CCND2: variants seen among roughly 807,000 people sequenced by gnomAD.
CCND2 encodes G1/S-specific cyclin-D2.
A neutral mutation model predicts 30.2 loss-of-function variants in CCND2; 6 were observed. The observed-to-expected ratio is 0.20, with a 90% CI of 0.11 to 0.39. The LOEUF (loss-of-function observed/expected upper bound fraction) is 0.39, where lower values mean the gene tolerates loss of function less well. Among genes scored for constraint, CCND2 ranks in the 10% least tolerant of loss-of-function variants. The pLI is 1.00. For synonymous variants in CCND2, 150 were observed against 153.1 expected, an observed-to-expected ratio of 0.98 and a Z score of 0.15; for missense variants, 235 against 373.4, an observed-to-expected ratio of 0.63 and a Z score of 3.06.
rs757187520 is a variant in CCND2, at chr12:4,276,218, C to T, written c.409C>T (p.Leu137=). ...TDNSIKPQEL[L]EWELVVLGKL... ...CAACTCCATCAAGCCTCAGGAGCTG[C>T]TGGTAATGACCGGCCCCTTCCTCCC... is the stretch of plus-strand genomic sequence containing the variant. The change falls in exon 2 of 5, where the codon CTG becomes TTG. Residue 137 remains leucine, a splice_region_variant and synonymous_variant. Coordinates refer to ENST00000261254, the MANE Select transcript of CCND2 (RefSeq NM_001759.4). This position sits in a 1 kb window ranked among gnomAD's most constrained non-coding sequence, Gnocchi z 4.8. 1 of 1,612,940 alleles carries T rather than the reference C, an allele frequency of 6.2e-7. No individual in the cohort carries two copies. The highest frequency in any genetic ancestry group is 8.5e-7 in the Non-Finnish European group (1 of 1,178,986).
rs1864294906 is a variant in CCND2 at position 4,304,920 on chromosome 12, T to C, written c.*4911T>C. 4.3e-6 allele frequency: 1 copy of C among 233,594 alleles called. No individual in the cohort carries two copies. The highest frequency in any genetic ancestry group is 1.8e-4 in the South Asian group (1 of 5,532). 14.5% of individuals were successfully genotyped at this position (233,594 alleles called of 1,614,324 possible). A position where few individuals can be genotyped will look rare whatever the true frequency, so the allele number is the denominator to read the frequency against. ...CATTATGTTCATCACCCTTATATCA[T>C]GTACCTCAGATCTCTCTCTCTCTCC... On this transcript the variant is annotated 3_prime_UTR_variant, in exon 5 of 5. Coordinates refer to ENST00000261254, the MANE Select transcript of CCND2 (RefSeq NM_001759.4). The surrounding 1 kb of genome is among the most constrained non-coding windows in gnomAD (Gnocchi z 6.2).
intron 4 of CCND2, among the ~76,000 whole-genome samples, chr12:4,297,247 C>T (rs1163655599): frequency 6.6e-6 from 1 of 152,114 alleles, no homozygotes; most frequent in Non-Finnish European, 1.5e-5. Flanking sequence ...GGTTTTCAAA[C>T]ATCTACTGAA....
Position 4,301,184 on chromosome 12 carries a change from C to G in CCND2, c.*1175C>G. On this transcript the variant is annotated 3_prime_UTR_variant, in exon 5 of 5. Coordinates refer to ENST00000261254, the MANE Select transcript of CCND2 (RefSeq NM_001759.4). ...CCCCTTCCTGCTGACATTCCCATCA[C>G]AACATTCCTCAGACAAGCCTGTAAA... 4.3e-6 allele frequency: 1 copy of G among 233,592 alleles called. No homozygotes were observed. Among genetic ancestry groups the G allele is most frequent in the Non-Finnish European group, 8.5e-6 (1 of 118,002 alleles). The allele number at this position is 233,592 out of a possible 1,614,324, so 14.5% of individuals were successfully genotyped here.
intron 4 of CCND2, among the ~76,000 whole-genome samples, chr12:4,294,201 A>C (rs1379305955): frequency 2.0e-5 from 3 of 151,434 alleles, no homozygotes; most frequent in Non-Finnish European, 4.4e-5. Flanking sequence ...CAGCAAGCAG[A>C]GGAAGTCAGA....
At chr12:4,279,004 T>C in intron 3 of CCND2, 85 bp downstream of exon 3, 1 of 1,374,562 alleles carries the variant, frequency 7.3e-7, no homozygotes, top group Non-Finnish European at 9.9e-7. Context: ...GTAGGAACTT[T>C]CATTTTAGTT....
At chr12:4,277,599 C>A (rs1005382168) in intron 2 of CCND2, among the ~76,000 whole-genome samples, 1 of 152,244 alleles carries the variant, frequency 6.6e-6, no homozygotes, top group Admixed American at 6.5e-5. Flanking sequence ...TTGCTACAAA[C>A]AAACTTGGCT....
At chr12:4,278,622 T>C (rs1863905050) in intron 2 of CCND2, 138 bp from the exon 3 acceptor site, 2 of 676,608 alleles carry the variant, frequency 3.0e-6, no homozygotes, top group Non-Finnish European at 4.9e-6. Context: ...CATTGACAAA[T>C]GGGCCCGCCT....
chr12:4,277,753 G>T (rs1863893721), intron 2 of CCND2, among the ~76,000 whole-genome samples: 1 of 152,368 alleles, frequency 6.6e-6, no homozygotes, highest in Non-Finnish European at 1.5e-5. Flanking sequence ...TTTAGCAAAT[G>T]AAAGAGATTC....
rs1864246492 is a variant in CCND2 at position 4,301,367 on chromosome 12, ATTG to A, written c.*1367_*1369del. 2.8e-4 allele frequency: 50 copies of A among 178,822 alleles called. No homozygotes were observed. The highest frequency in any genetic ancestry group is 1.5e-3 in the Admixed American group (20 of 13,010). 11.1% of individuals were successfully genotyped at this position (178,822 alleles called of 1,614,324 possible). A position where few individuals can be genotyped will look rare whatever the true frequency, so the allele number is the denominator to read the frequency against. ...TTCCCTTTTCCGTTTTTTTTTTTTT[ATTG>A]TTGTTGTTAATTTTATTGCAAAGTT... On this transcript the variant is annotated 3_prime_UTR_variant, in exon 5 of 5. Coordinates refer to ENST00000261254, the MANE Select transcript of CCND2 (RefSeq NM_001759.4).
Position 4,300,324 on chromosome 12 carries a change from G to T in CCND2, c.*315G>T. 3.3e-6 allele frequency: 1 copy of T among 300,034 alleles called. No individual in the cohort carries two copies. Among genetic ancestry groups the T allele is most frequent in the South Asian group, 9.6e-5 (1 of 10,414 alleles). 18.6% of individuals were successfully genotyped at this position (300,034 alleles called of 1,614,324 possible). On this transcript the variant is annotated 3_prime_UTR_variant, in exon 5 of 5. Transcript: ENST00000261254. ...TGCAGAGTAGTTAGAGAATATGTAT[G>T]CCTGCAATATGGGAACAAATTAGAG...
chr12:4,274,066 A>G lies in CCND2; in HGVS notation c.26A>G (p.Asp9Gly), dbSNP rs1374564893. MELLCHEV[D>G]PVRRAVRDRN... Reference sequence around the variant, plus strand: ...ATGGAGCTGCTGTGCCACGAGGTGGACCCGGTCCGCAGGGCCGTGCGGGAC... The same window carrying G: ...ATGGAGCTGCTGTGCCACGAGGTGGGCCCGGTCCGCAGGGCCGTGCGGGAC... The change falls in exon 1 of 5, where the codon GAC becomes GGC. Residue 9 changes from aspartate (D) to glycine (G), a missense_variant. Transcript: ENST00000261254. This position sits in a 1 kb window ranked among gnomAD's most constrained non-coding sequence, Gnocchi z 7.7. 3.7e-6 allele frequency: 6 copies of G among 1,612,542 alleles called. No individual in the cohort carries two copies. Among genetic ancestry groups the G allele is most frequent in the Non-Finnish European group, 4.2e-6 (5 of 1,179,546 alleles).
At position 4,282,356 on chromosome 12, in the gene CCND2, C is replaced by T. The variant is rs1193534494; in HGVS notation, c.571+3437C>T. Reference sequence around the variant, plus strand: ...GTAGCCACCCCCAGGCCTCCCCACGCCAAGGCCAGAGCCCCATTGTTGACT... The same window carrying T: ...GTAGCCACCCCCAGGCCTCCCCACGTCAAGGCCAGAGCCCCATTGTTGACT... On this transcript the variant is annotated intron_variant, in intron 3 of 4. Coordinates refer to ENST00000261254, the MANE Select transcript of CCND2 (RefSeq NM_001759.4). The surrounding 1 kb of genome is among the most constrained non-coding windows in gnomAD (Gnocchi z 4.3). 1.3e-5 allele frequency among the ~76,000 whole-genome samples: 2 copies of T among 152,324 alleles called. No homozygotes were observed. The highest frequency in any genetic ancestry group is 3.4e-3 in the Middle Eastern group (1 of 294).
intron 4 of CCND2, among the ~76,000 whole-genome samples, chr12:4,297,581 A>T (rs915865022): frequency 6.6e-6 from 1 of 151,128 alleles, no homozygotes; most frequent in Non-Finnish European, 1.5e-5. Flanking sequence ...AAAAAAAAAA[A>T]AAAAAAAAAA....
chr12:4,276,289 C>T lies in CCND2; in HGVS notation c.411+69C>T. On this transcript the variant is annotated intron_variant, in intron 2 of 4. Coordinates refer to ENST00000261254, the MANE Select transcript of CCND2 (RefSeq NM_001759.4). This position sits in a 1 kb window ranked among gnomAD's most constrained non-coding sequence, Gnocchi z 4.8. ...TTTCCCCTGGCCAACAATATGCCTT[C>T]TATCACCACTGCCAGAGCAAATTCT... is the stretch of plus-strand genomic sequence containing the variant. 2 of 1,336,772 alleles carry T rather than the reference C, an allele frequency of 1.5e-6. No homozygotes were observed. Among genetic ancestry groups the T allele is most frequent in the Middle Eastern group, 2.3e-4 (1 of 4,260 alleles). The allele number at this position is 1,336,772 out of a possible 1,614,324, so 82.8% of individuals were successfully genotyped here. A position where few individuals can be genotyped will look rare whatever the true frequency, so the allele number is the denominator to read the frequency against.
chr12:4,278,169 C>T (rs1863899320), intron 2 of CCND2, among the ~76,000 whole-genome samples: 1 of 152,182 alleles, frequency 6.6e-6, no homozygotes, highest in Admixed American at 6.5e-5. Flanking sequence ...GTGTCACATC[C>T]CCAGAATTTC....
chr12:4,279,420 C>A (rs953133668), intron 3 of CCND2, among the ~76,000 whole-genome samples: 4 of 147,014 alleles, frequency 2.7e-5, no homozygotes, highest in African/African-American at 1.0e-4. Context: ...TACTGTAGGG[C>A]ATTTATGGCC....
intron 3 of CCND2, among the ~76,000 whole-genome samples, chr12:4,281,450 G>A (rs564366031): frequency 1.3e-5 from 2 of 152,322 alleles, no homozygotes; most frequent in African/African-American, 4.8e-5. Context: ...CCAGTAGCGG[G>A]CACAGAGTGA....
intron 3 of CCND2, among the ~76,000 whole-genome samples, chr12:4,280,730 GC>G (rs966561384): frequency 2.0e-5 from 3 of 152,220 alleles, no homozygotes; most frequent in African/African-American, 7.2e-5. Context: ...CCCAAGGACA[GC>G]TGACCCCCGA....
rs1863841488 is a variant in CCND2 at position 4,274,761 on chromosome 12, G to T, written c.195+526G>T. ...AGAAACGGGGAATTCGGGAGCCCCG[G>T]AAGTCCCATTGAAGAAACGCGTGTT... On this transcript the variant is annotated intron_variant, in intron 1 of 4. Coordinates refer to ENST00000261254, the MANE Select transcript of CCND2 (RefSeq NM_001759.4). The surrounding 1 kb of genome is among the most constrained non-coding windows in gnomAD (Gnocchi z 7.7). 6.6e-6 allele frequency among the ~76,000 whole-genome samples: 1 copy of T among 152,192 alleles called. No individual in the cohort carries two copies. Among genetic ancestry groups the T allele is most frequent in the African/African-American group, 2.4e-5 (1 of 41,448 alleles).
Sources: gnomAD v4.1 joint callset for allele counts (sites outside exome capture counted in the v4.1 genomes callset) on GRCh38, gnomAD v4.1.1 for gene constraint, Gnocchi (gnomAD v3.1) non-coding constraint, MANE v1.5 for transcripts, NCBI Gene and HGNC (gene_info 2026-07-23, HGNC 2026-07-21) for gene names.